Variants in KIAA1549L observed in about 807,000 individuals in gnomAD.
KIAA1549L encodes the protein KIAA1549 like, also known as UPF0606 protein KIAA1549L.
In KIAA1549L, 88 loss-of-function variants were observed where a neutral mutation model predicts 160.7. That is an observed-to-expected ratio of 0.55 (90% CI 0.46 to 0.65). The LOEUF (loss-of-function observed/expected upper bound fraction) is 0.65, where lower values mean the gene tolerates loss of function less well. Among genes scored for constraint, KIAA1549L ranks in the 30% least tolerant of loss-of-function variants. The pLI, the probability that KIAA1549L is intolerant of heterozygous loss-of-function variation, is 0.00. For missense variants in KIAA1549L, 2,258 were observed against 2,437.5 expected, an observed-to-expected ratio of 0.93 and a Z score of 1.55; for synonymous variants, 950 against 976.7, an observed-to-expected ratio of 0.97 and a Z score of 0.51.
intron 1 of KIAA1549L, among the ~76,000 whole-genome samples, chr11:33,463,418 A>C (rs1851982289): frequency 6.6e-6 from 1 of 152,188 alleles, no homozygotes. Flanking sequence ...GTGTTGAAAG[A>C]CACATTAGTT....
chr11:33,456,172 T>C (rs188865230), intron 1 of KIAA1549L, among the ~76,000 whole-genome samples: 2 of 152,324 alleles, frequency 1.3e-5, no homozygotes, highest in East Asian at 1.9e-4. Flanking sequence ...GGGTGACTTA[T>C]AATTTGAGCA....
intron 1 of KIAA1549L, among the ~76,000 whole-genome samples, chr11:33,498,487 G>A (rs1454699524): frequency 1.3e-5 from 2 of 152,180 alleles, no homozygotes; most frequent in Admixed American, 6.5e-5. Context: ...CTTAAACAGT[G>A]AGGACCAACT....
chr11:33,541,602 C>T lies in KIAA1549L; in HGVS notation c.239-200C>T, dbSNP rs2133171636. Reference sequence around the variant, plus strand: ...GCATCACTTCATCAGAAACTGCTTCCCACCAACCCTGCCCTGTAGGTTCAC... The same window carrying T: ...GCATCACTTCATCAGAAACTGCTTCTCACCAACCCTGCCCTGTAGGTTCAC... On this transcript the variant is annotated intron_variant, in intron 1 of 20. Coordinates refer to ENST00000658780, the MANE Select transcript of KIAA1549L (RefSeq NM_012194.3). 2.0e-5 allele frequency among the ~76,000 whole-genome samples: 3 copies of T among 152,282 alleles called. No homozygotes were observed. In the South Asian group the frequency reaches 6.2e-4, roughly 32 times the overall value.
intron 16 of KIAA1549L, among the ~76,000 whole-genome samples, chr11:33,643,109 G>A (rs1481627693): frequency 6.6e-6 from 1 of 152,114 alleles, no homozygotes; most frequent in African/African-American, 2.4e-5. Context: ...GAGTATACTT[G>A]GACCTTCCAA....
chr11:33,576,477 A>C (rs1039843671), intron 10 of KIAA1549L, among the ~76,000 whole-genome samples: 1 of 152,040 alleles, frequency 6.6e-6, no homozygotes, highest in African/African-American at 2.4e-5. Context: ...AGCTTGCTTC[A>C]TCTGTTTTGC....
intron 4 of KIAA1549L, 99 bp from the exon 5 acceptor site, chr11:33,550,941 A>G (rs1397017234): frequency 1.1e-6 from 1 of 928,006 alleles, no homozygotes; most frequent in South Asian, 1.4e-5. Context: ...TCTATTCTCC[A>G]GTCTTGTTTC....
intron 1 of KIAA1549L, among the ~76,000 whole-genome samples, chr11:33,461,732 T>G (rs1851946609): frequency 6.6e-6 from 1 of 152,192 alleles, no homozygotes; most frequent in Admixed American, 6.5e-5. Context: ...TACTGAGTCT[T>G]TTATGTGGTT....
At chr11:33,469,040 A>G (rs1336170985) in intron 1 of KIAA1549L, among the ~76,000 whole-genome samples, 4 of 152,170 alleles carry the variant, frequency 2.6e-5, no homozygotes, top group Admixed American at 1.3e-4. Context: ...GACTTTATTG[A>G]CATATAATTT....
At chr11:33,483,068 C>G (rs778983863) in intron 1 of KIAA1549L, among the ~76,000 whole-genome samples, 1 of 152,056 alleles carries the variant, frequency 6.6e-6, no homozygotes, top group Non-Finnish European at 1.5e-5. Flanking sequence ...CATTTTCTCT[C>G]CTCCTTTTCC....
At chr11:33,530,477 A>G (rs1853743183) in intron 1 of KIAA1549L, among the ~76,000 whole-genome samples, 1 of 116,974 alleles carries the variant, frequency 8.5e-6, no homozygotes, top group Non-Finnish European at 1.8e-5. Context: ...ATATATATAT[A>G]TATATATGCA....
At position 33,545,180 on chromosome 11, in the gene KIAA1549L, G is replaced by A. The variant is rs765645511; in HGVS notation, c.3187G>A (p.Ala1063Thr). 1 of 1,613,908 alleles carries A rather than the reference G, an allele frequency of 6.2e-7. No homozygotes were observed. The highest frequency in any genetic ancestry group is 1.3e-5 in the African/African-American group (1 of 74,922). Residue 1063 changes from alanine to threonine, a missense_variant, in exon 3 of 21, where the codon GCA (alanine) becomes ACA (threonine). By Grantham distance (58) the Ala-to-Thr change is moderately conservative. Transcript: ENST00000658780. ...CCCCACCAACCTGGAGATGCCCAGA[G>A]CATCCACGCCACGCCCACTGACAGT... ...PNPTNLEMPR[A>T]STPRPLTVTA...
intron 1 of KIAA1549L, among the ~76,000 whole-genome samples, chr11:33,535,420 C>T (rs1853871821): frequency 6.6e-6 from 1 of 152,110 alleles, no homozygotes; most frequent in African/African-American, 2.4e-5. Flanking sequence ...TGCTGGTAAT[C>T]TCAGCACTTT....
chr11:33,538,941 C>A (rs1408061374), intron 1 of KIAA1549L, among the ~76,000 whole-genome samples: 1 of 152,172 alleles, frequency 6.6e-6, no homozygotes, highest in Non-Finnish European at 1.5e-5. Context: ...AGGGAAGTGC[C>A]CCCGTCCTGT....
intron 1 of KIAA1549L, among the ~76,000 whole-genome samples, chr11:33,447,647 A>AC (rs1565141326): frequency 3.3e-5 from 5 of 151,322 alleles, no homozygotes; most frequent in South Asian, 2.1e-4. Context: ...ACACACACAC[A>AC]AAATTTTAGC....
intron 15 of KIAA1549L, 82 bp from the exon 16 acceptor site, chr11:33,618,451 G>C: frequency 3.1e-6 from 4 of 1,294,140 alleles, no homozygotes; most frequent in African/African-American, 1.5e-5. Context: ...ACCCTTCATT[G>C]GTTGCCTGTA....
At chr11:33,616,736 T>G (rs998603331) in intron 15 of KIAA1549L, among the ~76,000 whole-genome samples, 1 of 152,202 alleles carries the variant, frequency 6.6e-6, no homozygotes, top group African/African-American at 2.4e-5. Flanking sequence ...AAAAAAAATG[T>G]GTAAGCCTGC....
chr11:33,621,146 T>C (rs1163146269), intron 16 of KIAA1549L, among the ~76,000 whole-genome samples: 1 of 152,190 alleles, frequency 6.6e-6, no homozygotes, highest in Non-Finnish European at 1.5e-5. Flanking sequence ...AGGAAAAGCC[T>C]GAATGTAAAA....
At chr11:33,650,087 G>A (rs1851842700) in intron 17 of KIAA1549L, among the ~76,000 whole-genome samples, 1 of 152,132 alleles carries the variant, frequency 6.6e-6, no homozygotes, top group African/African-American at 2.4e-5. Flanking sequence ...ACCAGTCACT[G>A]TTGACAGAGC....
chr11:33,493,859 T>A (rs528379542), intron 1 of KIAA1549L, among the ~76,000 whole-genome samples: 13 of 152,288 alleles, frequency 8.5e-5, no homozygotes, highest in Admixed American at 4.6e-4. Flanking sequence ...GCTTGATCAT[T>A]GTGACCCAGG....
Sources: gnomAD v4.1 joint callset for allele counts (sites outside exome capture counted in the v4.1 genomes callset) on GRCh38, gnomAD v4.1.1 for gene constraint, MANE v1.5 for transcripts, NCBI Gene and HGNC (gene_info 2026-07-23, HGNC 2026-07-21) for gene names.